CORO2B: variants seen among roughly 807,000 people sequenced by gnomAD.
CORO2B encodes coronin 2B.
In CORO2B, 26 loss-of-function variants were observed where a neutral mutation model predicts 58.8. The ratio of observed to expected loss-of-function variants is 0.44; its 90% CI spans 0.32 to 0.61. The LOEUF (loss-of-function observed/expected upper bound fraction) is 0.61. Ranked by LOEUF, CORO2B falls within the 20% of genes least tolerant of loss-of-function variation. The probability of loss-of-function intolerance (pLI) is 0.04; values close to 1 mark genes in which losing one functional copy is unlikely to be tolerated. For synonymous variants in CORO2B, 242 were observed against 253.8 expected (o/e 0.95, Z 0.44); for missense variants, 460 against 645.1 (o/e 0.71, Z 3.11).
intron 1 of CORO2B, among the ~76,000 whole-genome samples, chr15:68,643,148 A>T (rs1901310437): frequency 6.6e-6 from 1 of 152,270 alleles, no homozygotes; most frequent in South Asian, 2.1e-4. Context: ...TTTAAAATAA[A>T]CACATGACTG....
chr15:68,620,019 C>G (rs1900473277), intron 1 of CORO2B, among the ~76,000 whole-genome samples: 1 of 152,184 alleles, frequency 6.6e-6, no homozygotes, highest in African/African-American at 2.4e-5. Context: ...TCAAGCAACT[C>G]TCCTGCCTCA....
At chr15:68,695,066 A>G (rs1432033637) in intron 2 of CORO2B, 74 bp from the exon 3 acceptor site, 4 of 1,092,586 alleles carry the variant, frequency 3.7e-6, no homozygotes, top group Admixed American at 1.7e-5. Flanking sequence ...CCCAGAAAAA[A>G]GGTGCTCCAT....
At chr15:68,569,118 C>T in the CORO2B span, among the ~76,000 whole-genome samples, 32 of 152,152 alleles carry the variant, frequency 2.1e-4, no homozygotes, top group Admixed American at 1.9e-3. Context: ...TTGTTACAAT[C>T]GATGAATCTA....
chr15:68,547,873 T>G, the CORO2B span, among the ~76,000 whole-genome samples: 2 of 152,320 alleles, frequency 1.3e-5, no homozygotes, highest in South Asian at 4.1e-4. Context: ...CTTTCTTAGC[T>G]TAAAAGTACG....
At chr15:68,531,676 GGAAA>G in the CORO2B span, among the ~76,000 whole-genome samples, 8 of 150,994 alleles carry the variant, frequency 5.3e-5, no homozygotes, top group South Asian at 2.1e-4. Flanking sequence ...TCTCAAAAAA[GGAAA>G]GAAAGAAAGA....
the CORO2B span, among the ~76,000 whole-genome samples, chr15:68,546,969 A>G: frequency 1.3e-5 from 2 of 152,234 alleles, no homozygotes; most frequent in Admixed American, 1.3e-4. Context: ...ATTTATGGCC[A>G]GCTTAATTCC....
At chr15:68,543,138 A>G in the CORO2B span, among the ~76,000 whole-genome samples, 1 of 152,216 alleles carries the variant, frequency 6.6e-6, no homozygotes, top group Admixed American at 6.5e-5. Context: ...GGGGCTTTGC[A>G]TGGCCAGATA....
chr15:68,646,938 A>T (rs1369987004), intron 2 of CORO2B, among the ~76,000 whole-genome samples: 1 of 152,134 alleles, frequency 6.6e-6, no homozygotes, highest in Non-Finnish European at 1.5e-5. Context: ...TGCCTCAGGG[A>T]CGCACTCAGC....
chr15:68,639,018 G>A (rs551345027), intron 1 of CORO2B, among the ~76,000 whole-genome samples: 26 of 152,324 alleles, frequency 1.7e-4, no homozygotes, highest in South Asian at 1.4e-3. Context: ...ACAGGGCTGC[G>A]TGACCAGAAG....
chr15:68,665,575 G>A (rs1444624344), intron 2 of CORO2B, among the ~76,000 whole-genome samples: 1 of 151,484 alleles, frequency 6.6e-6, no homozygotes, highest in African/African-American at 2.4e-5. Flanking sequence ...ACCTTATGAT[G>A]TTGAGTCTAA....
chr15:68,577,172 G>T (rs774017522), upstream of CORO2B, among the ~76,000 whole-genome samples: 5 of 152,148 alleles, frequency 3.3e-5, no homozygotes, highest in Non-Finnish European at 7.4e-5. Flanking sequence ...CCTGGGGAAC[G>T]AATAGCTGCC....
At chr15:68,718,098 C>G (rs891091550) in intron 8 of CORO2B, among the ~76,000 whole-genome samples, 7 of 152,178 alleles carry the variant, frequency 4.6e-5, no homozygotes, top group African/African-American at 9.7e-5. Context: ...CCCTCATCCC[C>G]ATGATAGACG....
chr15:68,603,206 C>T (rs183258827), intron 1 of CORO2B, among the ~76,000 whole-genome samples: 171 of 152,290 alleles, frequency 1.1e-3, no homozygotes, highest in Middle Eastern at 3.4e-3. Context: ...CCAGGGCTAA[C>T]ACAGTACGTG....
chr15:68,532,861 G>A, the CORO2B span, among the ~76,000 whole-genome samples: 1 of 152,164 alleles, frequency 6.6e-6, no homozygotes, highest in African/African-American at 2.4e-5. Flanking sequence ...CAATCAATAA[G>A]AACTTTCCAC....
chr15:68,528,532 C>T, the CORO2B span, among the ~76,000 whole-genome samples: 1 of 151,954 alleles, frequency 6.6e-6, no homozygotes, highest in African/African-American at 2.4e-5. Flanking sequence ...ATTGTTAATT[C>T]TATTTGCTTA....
At chr15:68,539,910 G>A in the CORO2B span, among the ~76,000 whole-genome samples, 2 of 152,186 alleles carry the variant, frequency 1.3e-5, no homozygotes, top group Non-Finnish European at 2.9e-5. Context: ...TCAATCTATC[G>A]TGGTATGTTG....
At chr15:68,637,382 G>A (rs577672883) in intron 1 of CORO2B, among the ~76,000 whole-genome samples, 37 of 152,330 alleles carry the variant, frequency 2.4e-4, no homozygotes, top group South Asian at 6.2e-4. Flanking sequence ...CACCTTTCCC[G>A]GGTGGAGGGG....
At chr15:68,526,972 T>G in the CORO2B span, among the ~76,000 whole-genome samples, 2 of 152,122 alleles carry the variant, frequency 1.3e-5, no homozygotes, top group African/African-American at 4.8e-5. Flanking sequence ...ACAATAGGAT[T>G]GATTTCCTTA....
chr15:68,725,862 G>A lies in CORO2B; in HGVS notation c.1331G>A (p.Arg444Gln), dbSNP rs748303629. 72 of 1,613,856 alleles carry A rather than the reference G, an allele frequency of 4.5e-5. No individual in the cohort carries two copies. Among genetic ancestry groups the A allele is most frequent in the East Asian group, 8.9e-5 (4 of 44,868 alleles). ...CCCCAGCTCCTTCGAATGTTCTTCC[G>A]GCAGCAGGATGAGATTCGACGGTTG... is the stretch of plus-strand genomic sequence containing the variant. ...TENELLRMFF[R>Q]QQDEIRRLKE... Residue 444 changes from arginine (R) to glutamine (Q), a missense_variant, in exon 12 of 12, where the codon CGG becomes CAG. This residue lies in a region of CORO2B where 108 missense variants were observed against 102.1 expected (regional missense o/e 1.06). Coordinates refer to ENST00000261861, the MANE Select transcript of CORO2B (RefSeq NM_006091.5).
Sources: allele counts gnomAD v4.1 joint callset (sites outside exome capture counted in the v4.1 genomes callset), GRCh38; gene constraint gnomAD v4.1.1; regional missense constraint gnomAD v4.1.1; transcripts MANE v1.5; gene names NCBI Gene and HGNC (gene_info 2026-07-23, HGNC 2026-07-21).